DNAH8: variants seen among roughly 807,000 people sequenced by gnomAD.
DNAH8 encodes the protein dynein axonemal heavy chain 8, also known as axonemal beta dynein heavy chain 8.
Under a neutral mutation model 562.1 loss-of-function variants are expected in DNAH8, and 382 were observed. That is an observed-to-expected ratio of 0.68 (90% CI 0.63 to 0.74). DNAH8 has a LOEUF of 0.74. DNAH8 is among the 30% of genes least tolerant of loss of function. DNAH8 has a pLI of 0.00. For missense variants in DNAH8, 5,203 were observed against 5,620.4 expected (o/e 0.93, Z 2.37); for synonymous variants, 1,881 against 1,919.4 (o/e 0.98, Z 0.52).
chr6:38,965,509 A>G (rs1762911506), intron 82 of DNAH8, among the ~76,000 whole-genome samples: 1 of 152,212 alleles, frequency 6.6e-6, no homozygotes, highest in African/African-American at 2.4e-5. Flanking sequence ...AACATATATT[A>G]TTTAATTAGA....
intron 91 of DNAH8, among the ~76,000 whole-genome samples, chr6:39,017,796 G>C (rs1452820869): frequency 6.6e-6 from 1 of 152,146 alleles, no homozygotes; most frequent in Non-Finnish European, 1.5e-5. Flanking sequence ...CTTGCATTCT[G>C]TAAAAATAAT....
At chr6:38,961,255 T>A (rs527971937) in intron 82 of DNAH8, among the ~76,000 whole-genome samples, 218 of 152,012 alleles carry the variant, frequency 1.4e-3, no homozygotes, top group African/African-American at 4.9e-3. Context: ...ATTTATTTTT[T>A]AAAAAAATAT....
At chr6:38,846,702 T>C (rs2150379689) in intron 36 of DNAH8, among the ~76,000 whole-genome samples, 1 of 152,322 alleles carries the variant, frequency 6.6e-6, no homozygotes, top group African/African-American at 2.4e-5. Context: ...GGGCAACTGC[T>C]GCCCTATGGT....
intron 86 of DNAH8, 84 bp from the exon 87 acceptor site, chr6:38,984,122 C>T (rs1169292133): frequency 9.5e-6 from 7 of 735,476 alleles, no homozygotes; most frequent in African/African-American, 1.8e-5. Flanking sequence ...CTTTTCCAGA[C>T]CTTTCCTCTA....
intron 4 of DNAH8, among the ~76,000 whole-genome samples, chr6:38,730,872 C>T (rs890728272): frequency 7.2e-5 from 11 of 152,128 alleles, no homozygotes; most frequent in African/African-American, 2.7e-4. Flanking sequence ...CCTCACCTGG[C>T]TTTTTCAGAT....
At chr6:38,924,453 G>A (rs144804034) in intron 73 of DNAH8, among the ~76,000 whole-genome samples, 114 of 151,886 alleles carry the variant, frequency 7.5e-4, no homozygotes, top group African/African-American at 2.7e-3. Flanking sequence ...CAATGGTTCC[G>A]AGATCACGCC....
In DNAH8 at chr6:38,872,650, C is replaced by T. The variant is rs1163353343; in HGVS notation, c.7105C>T (p.His2369Tyr). 2.5e-6 allele frequency: 4 copies of T among 1,613,946 alleles called. No homozygotes were observed. In the African/African-American group the frequency reaches 5.3e-5, roughly 22 times the overall value. ...MKAQTECGRP[H>Y]REMRMNPKAI... ...GGCGCAAACAGAATGCGGAAGGCCT[C>T]ATAGAGAAATGCGAATGAATCCAAA... is the stretch of plus-strand genomic sequence containing the variant. Residue 2369 changes from histidine (H) to tyrosine (Y), a missense_variant, in exon 50 of 93, where the codon CAT becomes TAT. By Grantham distance (83) the His-to-Tyr change is moderately conservative. Transcript: ENST00000327475.
In DNAH8 at chr6:38,827,732, ACT is replaced by A. The variant is rs1773473769; in HGVS notation, c.4084-451_4084-450del. 1.9e-4 allele frequency among the ~76,000 whole-genome samples: 5 copies of A among 25,738 alleles called. 2 individuals carry two copies. Among genetic ancestry groups the A allele is most frequent in the Admixed American group, 1.5e-3 (3 of 1,952 alleles). The allele number at this position is 25,738 out of a possible 152,430, so 16.9% of individuals were successfully genotyped here. Reference sequence around the variant, plus strand: ...CTGCAAAAGCTTAATTCTTTACCAAACTTTTTTTTTTTTTTTTTTTTTTTTTT... The same window carrying A: ...CTGCAAAAGCTTAATTCTTTACCAAATTTTTTTTTTTTTTTTTTTTTTTTT... On this transcript the variant is annotated intron_variant, in intron 29 of 92. Transcript: ENST00000327475.
Position 38,921,343 on chromosome 6 carries a change from C to G in DNAH8, c.10525-26C>G, listed in dbSNP as rs367675067. On this transcript the variant is annotated intron_variant, in intron 70 of 92. Transcript: ENST00000327475. ...TCATGACTGTTTCATGCAGCTAATA[C>G]ACTAACCACGTCTTCTTCTTTTCAG... is the stretch of plus-strand genomic sequence containing the variant. 10 of 1,608,478 alleles carry G rather than the reference C, an allele frequency of 6.2e-6. No individual in the cohort carries two copies. The African/African-American group carries it at 9.4e-5, about 15-fold the overall frequency.
chr6:38,916,024 A>T (rs1371174076), intron 68 of DNAH8, among the ~76,000 whole-genome samples: 1 of 152,126 alleles, frequency 6.6e-6, no homozygotes, highest in Non-Finnish European at 1.5e-5. Context: ...TTGGGTTTCT[A>T]TGGGGATTAT....
chr6:39,003,377 T>C (rs1765605960), intron 88 of DNAH8, among the ~76,000 whole-genome samples: 1 of 152,210 alleles, frequency 6.6e-6, no homozygotes, highest in African/African-American at 2.4e-5. Context: ...TGTGATGGGC[T>C]TTGCCTTATG....
chr6:38,935,190 T>C (rs973830808), intron 76 of DNAH8, among the ~76,000 whole-genome samples: 5 of 152,212 alleles, frequency 3.3e-5, no homozygotes, highest in African/African-American at 1.2e-4. Context: ...TTTCTTGGTA[T>C]TATTGCCTTT....
intron 74 of DNAH8, among the ~76,000 whole-genome samples, chr6:38,928,325 G>A (rs114179734): frequency 0.016 from 2,378 of 152,264 alleles, 66 homozygotes; most frequent in African/African-American, 0.054. Flanking sequence ...ACTTGGGAAA[G>A]ATATCACAAA....
intron 16 of DNAH8, among the ~76,000 whole-genome samples, chr6:38,782,007 A>G (rs978914246): frequency 6.6e-6 from 1 of 152,206 alleles, no homozygotes; most frequent in African/African-American, 2.4e-5. Context: ...GCTGAAATAT[A>G]GAACAATATA....
At chr6:38,755,207 A>T (rs1765802480) in intron 9 of DNAH8, among the ~76,000 whole-genome samples, 3 of 152,154 alleles carry the variant, frequency 2.0e-5, no homozygotes, top group Admixed American at 2.0e-4. Flanking sequence ...GTGCAATCTT[A>T]CAATCCGTGA....
intron 24 of DNAH8, among the ~76,000 whole-genome samples, chr6:38,809,909 G>A (rs1246415170): frequency 6.6e-6 from 1 of 152,104 alleles, no homozygotes; most frequent in African/African-American, 2.4e-5. Context: ...CCCTTTATCT[G>A]TATTAATTCT....
At chr6:38,987,114 A>G (rs533196701) in intron 87 of DNAH8, among the ~76,000 whole-genome samples, 168 of 152,322 alleles carry the variant, frequency 1.1e-3, no homozygotes, top group African/African-American at 3.9e-3. Flanking sequence ...AGGCATGGAG[A>G]TAAGGATCTG....
chr6:38,850,349 A>G lies in DNAH8; in HGVS notation c.5298A>G (p.Glu1766=). ...PNVINCCVGD[E]TMGQLLPHLH... ...TGATTAATTGCTGTGTTGGAGATGA[A>G]ACCATGGGACAACTTTTACCTCATT... Residue 1766 remains glutamate (E), a synonymous_variant, in exon 38 of 93, where the codon GAA becomes GAG. Coordinates refer to ENST00000327475, the MANE Select transcript of DNAH8 (RefSeq NM_001206927.2). The G allele has an allele frequency of 1.9e-6, 3 of 1,613,806 alleles. No individual in the cohort carries two copies. Among genetic ancestry groups the G allele is most frequent in the Non-Finnish European group, 2.5e-6 (3 of 1,179,740 alleles).
Position 39,012,237 on chromosome 6 carries a change from T to C in DNAH8, c.13394T>C (p.Met4465Thr). Residue 4465 changes from methionine (M) to threonine (T), a missense_variant, in exon 90 of 93, where the codon ATG becomes ACG. Physicochemically the swap from Met to Thr is moderately conservative, Grantham distance 81. Transcript: ENST00000327475. The part of the protein sequence containing the change: ...PHEVKSRLIK[M>T]GHLNSMNIFL... ...TAGGTGAAATCTCGTTTGATAAAGA[T>C]GGGCCATCTTAATTCAATGAACATA... 6.2e-7 allele frequency: 1 copy of C among 1,609,340 alleles called. No homozygotes were observed. Among genetic ancestry groups the C allele is most frequent in the Non-Finnish European group, 8.5e-7 (1 of 1,177,006 alleles).
Sources: allele counts gnomAD v4.1 joint callset (sites outside exome capture counted in the v4.1 genomes callset), GRCh38; gene constraint gnomAD v4.1.1; transcripts MANE v1.5; gene names NCBI Gene and HGNC (gene_info 2026-07-23, HGNC 2026-07-21).